The following CSMD2 variants were observed in gnomAD, a reference collection of about 807,000 sequenced individuals.
The protein encoded by CSMD2 is CUB and sushi domain-containing protein 2.
Under a neutral mutation model 398.5 loss-of-function variants are expected in CSMD2, and 130 were observed. The ratio of observed to expected loss-of-function variants is 0.33; its 90% CI spans 0.28 to 0.38. The LOEUF is 0.38. Ranked by LOEUF, CSMD2 falls within the 10% of genes least tolerant of loss-of-function variation. The pLI is 1.00. For missense variants in CSMD2, 3,829 were observed against 4,764.9 expected, an observed-to-expected ratio of 0.80 and a Z score of 5.78; for synonymous variants, 1,828 against 1,908.5, an observed-to-expected ratio of 0.96 and a Z score of 1.10.
chr1:33,533,188 CGTT>C lies in CSMD2; in HGVS notation c.10030_10032del (p.Asn3344del). On this transcript the variant is annotated inframe_deletion, in exon 64 of 71. Transcript: ENST00000373381. This position sits in a 1 kb window ranked among gnomAD's most constrained non-coding sequence, Gnocchi z 4.2. ...ATGGAGGGCAAATCCAGGGCCCCGA[CGTT>C]GGCATGCGTTGGCGTCTCTGGCTGC... is the stretch of plus-strand genomic sequence containing the variant. 1 of 1,613,914 alleles carries C rather than the reference CGTT, an allele frequency of 6.2e-7. No homozygotes were observed. The highest frequency in any genetic ancestry group is 8.5e-7 in the Non-Finnish European group (1 of 1,179,986).
In CSMD2 at chr1:34,103,289, C is replaced by CTTT. The variant is rs1377493597; in HGVS notation, c.188-14099_188-14097dup. The stretch of plus-strand genomic sequence containing the variant: ...TGTCTCTACCAGCAAACTCCTTGAG[C>CTTT]TTTTTTTTTTTTTTTTTTTTTCTTT... On this transcript the variant is annotated intron_variant, in intron 1 of 70. Transcript: ENST00000373381. 2.7e-3 allele frequency among the ~76,000 whole-genome samples: 290 copies of CTTT among 106,932 alleles called. 16 individuals are homozygous for CTTT. The highest frequency in any genetic ancestry group is 0.014 in the East Asian group (50 of 3,532). 70.2% of individuals were successfully genotyped at this position (106,932 alleles called of 152,430 possible). A position where few individuals can be genotyped will look rare whatever the true frequency, so the allele number is the denominator to read the frequency against.
intron 5 of CSMD2, among the ~76,000 whole-genome samples, chr1:33,879,804 G>A (rs1459522832): frequency 6.6e-6 from 1 of 152,154 alleles, no homozygotes; most frequent in Non-Finnish European, 1.5e-5. Context: ...CGTGTAAAGG[G>A]TGAATTAAAA....
intron 1 of CSMD2, among the ~76,000 whole-genome samples, chr1:34,109,629 C>T (rs1660848295): frequency 6.6e-6 from 1 of 151,344 alleles, no homozygotes; most frequent in East Asian, 2.0e-4. Flanking sequence ...GCAAACTATG[C>T]ATCTGACAAA....
intron 32 of CSMD2, among the ~76,000 whole-genome samples, chr1:33,627,157 C>T (rs2148891155): frequency 6.6e-6 from 1 of 152,232 alleles, no homozygotes; most frequent in Non-Finnish European, 1.5e-5. Flanking sequence ...AAAGAAAGTG[C>T]TATCAATAGT....
intron 3 of CSMD2, among the ~76,000 whole-genome samples, chr1:33,956,566 ATC>A (rs1055320517): frequency 2.0e-4 from 30 of 151,964 alleles, no homozygotes; most frequent in African/African-American, 6.7e-4. Context: ...TGAAGATGGA[ATC>A]TCTATCTACC....
chr1:33,554,155 A>G (rs750130991), intron 55 of CSMD2, among the ~76,000 whole-genome samples: 66 of 151,934 alleles, frequency 4.3e-4, no homozygotes, highest in Non-Finnish European at 7.7e-4. Context: ...GCTACTCTAA[A>G]CAACAGATTT....
chr1:33,726,466 T>C (rs1020970740), intron 16 of CSMD2, 81 bp downstream of exon 16: 212 of 1,482,170 alleles, frequency 1.4e-4, no homozygotes, highest in Non-Finnish European at 1.8e-4. Context: ...ACTGGTCCCC[T>C]ATCCACCCTG....
At chr1:34,050,471 G>C (rs943766572) in intron 2 of CSMD2, among the ~76,000 whole-genome samples, 1 of 152,132 alleles carries the variant, frequency 6.6e-6, no homozygotes, top group Non-Finnish European at 1.5e-5. Context: ...CATGCTCATG[G>C]GATTCACTGG....
chr1:34,016,708 T>G (rs1648163762), intron 3 of CSMD2, among the ~76,000 whole-genome samples: 1 of 152,172 alleles, frequency 6.6e-6, no homozygotes, highest in Non-Finnish European at 1.5e-5. Flanking sequence ...CAAATGCCCA[T>G]CAGTGATAGA....
intron 10 of CSMD2, among the ~76,000 whole-genome samples, chr1:33,808,518 T>G (rs749848787): frequency 2.0e-5 from 3 of 151,832 alleles, no homozygotes; most frequent in Non-Finnish European, 2.9e-5. Flanking sequence ...GAAACAATAA[T>G]GTAAATTAAA....
intron 54 of CSMD2, among the ~76,000 whole-genome samples, chr1:33,558,339 G>A (rs1483443168): frequency 1.3e-5 from 2 of 152,170 alleles, no homozygotes; most frequent in Non-Finnish European, 2.9e-5. Context: ...CTTGAACAGG[G>A]TTGGGCTCTT....
At chr1:34,036,481 GA>G (rs1351469896) in intron 2 of CSMD2, among the ~76,000 whole-genome samples, 4 of 152,322 alleles carry the variant, frequency 2.6e-5, no homozygotes, top group Admixed American at 6.5e-5. Context: ...TAAAGAGATG[GA>G]AAACAGATTA....
At chr1:33,740,335 T>C (rs1293288654) in intron 14 of CSMD2, among the ~76,000 whole-genome samples, 1 of 151,486 alleles carries the variant, frequency 6.6e-6, no homozygotes, top group Non-Finnish European at 1.5e-5. Flanking sequence ...TTCACCCCTG[T>C]TGTTCTGAGG....
chr1:33,610,250 A>G (rs550005961), intron 41 of CSMD2, among the ~76,000 whole-genome samples: 3 of 150,058 alleles, frequency 2.0e-5, no homozygotes, highest in African/African-American at 4.9e-5. Flanking sequence ...TTTTACAAAC[A>G]TGAATTAGTA....
At chr1:33,750,192 T>A (rs1485948602) in intron 13 of CSMD2, among the ~76,000 whole-genome samples, 1 of 152,038 alleles carries the variant, frequency 6.6e-6, no homozygotes, top group East Asian at 1.9e-4. Flanking sequence ...GGTACAAATT[T>A]AACACAATTC....
chr1:34,015,635 G>C (rs1225709051), intron 3 of CSMD2, among the ~76,000 whole-genome samples: 1 of 152,170 alleles, frequency 6.6e-6, no homozygotes, highest in African/African-American at 2.4e-5. Context: ...CAACAGGAGG[G>C]CCACAGGCCT....
intron 38 of CSMD2, 40 bp from the exon 39 acceptor site, chr1:33,617,015 T>C (rs1281870669): frequency 6.5e-7 from 1 of 1,534,228 alleles, no homozygotes; most frequent in Non-Finnish European, 9.0e-7. Flanking sequence ...GCTGTCCCCG[T>C]GGGCACAATT....
intron 1 of CSMD2, among the ~76,000 whole-genome samples, chr1:34,154,884 C>G (rs901691511): frequency 6.6e-6 from 1 of 152,054 alleles, no homozygotes; most frequent in Admixed American, 6.5e-5. Context: ...CACACCACCA[C>G]GCCTGGCTAA....
At chr1:34,068,740 G>A (rs537562085) in intron 2 of CSMD2, among the ~76,000 whole-genome samples, 2 of 152,166 alleles carry the variant, frequency 1.3e-5, no homozygotes, top group Non-Finnish European at 2.9e-5. Context: ...GTTGGGGTAG[G>A]AACCCAGTGG....
Sources: allele counts gnomAD v4.1 joint callset (sites outside exome capture counted in the v4.1 genomes callset), GRCh38; gene constraint gnomAD v4.1.1; non-coding constraint Gnocchi (gnomAD v3.1); transcripts MANE v1.5; gene names NCBI Gene and HGNC (gene_info 2026-07-23, HGNC 2026-07-21).